EPS15: variants seen among roughly 807,000 people sequenced by gnomAD.
EPS15 encodes the protein epidermal growth factor receptor substrate 15.
A neutral mutation model predicts 113.8 loss-of-function variants in EPS15; 72 were observed. The ratio of observed to expected loss-of-function variants is 0.63; its 90% CI spans 0.52 to 0.77. The LOEUF (loss-of-function observed/expected upper bound fraction) is 0.77, where lower values mean the gene tolerates loss of function less well. EPS15 is among the 30% of genes least tolerant of loss of function. The pLI, the probability that EPS15 is intolerant of heterozygous loss-of-function variation, is 0.00. For missense variants in EPS15, 1,048 were observed against 1,045.8 expected (o/e 1.00, Z -0.03); for synonymous variants, 344 against 363.4 (o/e 0.95, Z 0.61).
chr1:51,374,464 C>T (rs948118772), intron 21 of EPS15, among the ~76,000 whole-genome samples: 2 of 151,926 alleles, frequency 1.3e-5, no homozygotes, highest in Admixed American at 6.6e-5. Flanking sequence ...ATTAGCCGGG[C>T]GTGGTGGCGG....
intron 11 of EPS15, among the ~76,000 whole-genome samples, chr1:51,441,343 C>T (rs1652583154): frequency 6.6e-6 from 1 of 152,094 alleles, no homozygotes; most frequent in Non-Finnish European, 1.5e-5. Flanking sequence ...CCTCTGTAAA[C>T]TATCACTGAT....
rs368358226 is a variant in EPS15, at chr1:51,505,140, C to T, written c.33+14059G>A. On this transcript the variant is annotated intron_variant, in intron 1 of 24. Coordinates refer to ENST00000371733, the MANE Select transcript of EPS15 (RefSeq NM_001981.3). Reference sequence around the variant, plus strand: ...GTCTCAAAAAAAAAAAAATCTGCAGCTCTTCAAATGATTAAACACAGAATT... The same window carrying T: ...GTCTCAAAAAAAAAAAAATCTGCAGTTCTTCAAATGATTAAACACAGAATT... 2.8e-4 allele frequency among the ~76,000 whole-genome samples: 42 copies of T among 151,906 alleles called. 1 individual carries two copies. The South Asian group carries it at 6.9e-3, about 25-fold the overall frequency.
intron 23 of EPS15, among the ~76,000 whole-genome samples, 168 bp downstream of exon 23, chr1:51,363,698 G>GC (rs1646440830): frequency 6.6e-6 from 1 of 152,218 alleles, no homozygotes; most frequent in Non-Finnish European, 1.5e-5. Context: ...CTTCTTAAGT[G>GC]CATGTCTGTA....
In EPS15 at chr1:51,408,167, G is replaced by A. The variant is rs1649312078; in HGVS notation, c.1441C>T (p.His481Tyr). 3 of 1,614,094 alleles carry A rather than the reference G, an allele frequency of 1.9e-6. No individual in the cohort carries two copies. The highest frequency in any genetic ancestry group is 3.3e-4 in the Middle Eastern group (2 of 6,060). ...GKAQLEPLQQ[H>Y]LQDSQQEISS... ...ATTTCCTGTTGTGAATCTTGTAGGT[G>A]CTGCTGAAGAGGTTCCAACTGAGCC... The change falls in exon 15 of 25, where the codon CAC (histidine) becomes TAC (tyrosine). Residue 481 changes from histidine to tyrosine, a missense_variant. His to Tyr is a moderately conservative substitution (Grantham distance 83, BLOSUM62 2). Coordinates refer to ENST00000371733, the MANE Select transcript of EPS15 (RefSeq NM_001981.3).
chr1:51,518,008 A>C (rs547537412), intron 1 of EPS15, among the ~76,000 whole-genome samples: 1 of 152,288 alleles, frequency 6.6e-6, no homozygotes, highest in African/African-American at 2.4e-5. Flanking sequence ...CGACGAATCT[A>C]GGCCAAGGAG....
chr1:51,402,130 C>A (rs1648621014), intron 18 of EPS15, among the ~76,000 whole-genome samples: 1 of 147,992 alleles, frequency 6.8e-6, no homozygotes, highest in African/African-American at 2.5e-5. Flanking sequence ...AGCGAGACTC[C>A]ATTTCTAAAT....
chr1:51,476,762 G>A (rs1416159448), intron 2 of EPS15, among the ~76,000 whole-genome samples: 1 of 152,016 alleles, frequency 6.6e-6, no homozygotes, highest in African/African-American at 2.4e-5. Flanking sequence ...TATGTTTATT[G>A]ATTGCATATG....
rs1646195772 is a variant in EPS15, at chr1:51,355,306, C to T, written c.*1394G>A. The T allele has an allele frequency of 4.6e-6, 1 of 217,360 alleles. No individual in the cohort carries two copies. Among genetic ancestry groups the T allele is most frequent in the Admixed American group, 5.8e-5 (1 of 17,284 alleles). The allele number at this position is 217,360 out of a possible 1,614,324, so 13.5% of individuals were successfully genotyped here. ...TACTCAGATTAACACAGATCAATAC[C>T]ACCTTGACTTGTTGACCCAGAGAAT... On this transcript the variant is annotated 3_prime_UTR_variant, in exon 25 of 25. Transcript: ENST00000371733.
intron 12 of EPS15, among the ~76,000 whole-genome samples, chr1:51,425,428 C>T (rs901704640): frequency 1.5e-4 from 22 of 149,996 alleles, no homozygotes; most frequent in Admixed American, 6.6e-4. Flanking sequence ...AAGATAAAAT[C>T]ATCTTCAAAG....
chr1:51,400,693 T>C (rs1230432676), intron 19 of EPS15, among the ~76,000 whole-genome samples: 1 of 91,764 alleles, frequency 1.1e-5, no homozygotes, highest in Non-Finnish European at 2.2e-5. Context: ...TAAGACCCTG[T>C]CTCAAAAACA....
intron 21 of EPS15, among the ~76,000 whole-genome samples, chr1:51,379,012 G>C (rs1207480666): frequency 6.6e-6 from 1 of 152,204 alleles, no homozygotes; most frequent in African/African-American, 2.4e-5. Context: ...ACTCAAAAGA[G>C]TCCTATGCTG....
At chr1:51,502,370 T>C (rs1270574736) in intron 1 of EPS15, among the ~76,000 whole-genome samples, 1 of 152,238 alleles carries the variant, frequency 6.6e-6, no homozygotes, top group Non-Finnish European at 1.5e-5. Flanking sequence ...TAACACTAGT[T>C]TTATTTCATA....
intron 21 of EPS15, among the ~76,000 whole-genome samples, chr1:51,384,298 C>CTTTTTTTTTTTTTTT (rs67265512): frequency 3.1e-4 from 31 of 99,502 alleles, no homozygotes; most frequent in Non-Finnish European, 4.7e-4. Flanking sequence ...TTCTTTCTTT[C>CTTTTTTTTTTTTTTT]TTTTTTTTTT....
At chr1:51,462,617 T>G (rs575668359) in intron 7 of EPS15, among the ~76,000 whole-genome samples, 109 of 151,646 alleles carry the variant, frequency 7.2e-4, no homozygotes, top group African/African-American at 2.5e-3. Flanking sequence ...GCAGGAGAGA[T>G]AGAAAAATAA....
chr1:51,409,161 T>C (rs1209649219), intron 14 of EPS15, among the ~76,000 whole-genome samples: 3 of 152,036 alleles, frequency 2.0e-5, no homozygotes, highest in East Asian at 1.9e-4. Context: ...GCTCCAGCAA[T>C]TCCCCCCGCC....
At chr1:51,363,786 AT>A in intron 23 of EPS15, 79 bp downstream of exon 23, 1 of 1,339,316 alleles carries the variant, frequency 7.5e-7, no homozygotes, top group Non-Finnish European at 1.0e-6. Flanking sequence ...AAAGCCATTT[AT>A]ATAAGTAAGT....
chr1:51,446,231 C>T (rs1287510400), intron 10 of EPS15, among the ~76,000 whole-genome samples: 3 of 152,140 alleles, frequency 2.0e-5, no homozygotes, highest in Non-Finnish European at 4.4e-5. Context: ...TCATTAAAGA[C>T]ACTAGGGTTT....
chr1:51,425,140 T>C (rs977871596), intron 12 of EPS15, among the ~76,000 whole-genome samples: 3 of 152,172 alleles, frequency 2.0e-5, no homozygotes, highest in Non-Finnish European at 2.9e-5. Context: ...AAGCCAAGAA[T>C]AAACCTCCCT....
intron 13 of EPS15, among the ~76,000 whole-genome samples, chr1:51,413,545 A>G (rs534068360): frequency 6.6e-6 from 1 of 152,328 alleles, no homozygotes; most frequent in Admixed American, 6.5e-5. Context: ...CATAATGTGA[A>G]ACACTTCACT....
Sources: gnomAD v4.1 joint callset for allele counts (sites outside exome capture counted in the v4.1 genomes callset) on GRCh38, gnomAD v4.1.1 for gene constraint, MANE v1.5 for transcripts, NCBI Gene and HGNC (gene_info 2026-07-23, HGNC 2026-07-21) for gene names.